WASF1: variants seen among roughly 807,000 people sequenced by gnomAD.
The protein encoded by WASF1 is WASP family member 1.
WASF1 carries 7 observed loss-of-function variants against 50.5 expected under a neutral mutation model. The observed-to-expected ratio is 0.14, with a 90% confidence interval of 0.08 to 0.26. The LOEUF is 0.26. WASF1 is among the 10% of genes least tolerant of loss of function. WASF1 has a pLI of 1.00. For missense variants in WASF1, 470 were observed against 694.7 expected, an observed-to-expected ratio of 0.68 and a Z score of 3.64; for synonymous variants, 205 against 244.0, an observed-to-expected ratio of 0.84 and a Z score of 1.49.
intron 4 of WASF1, 83 bp from the exon 5 acceptor site, chr6:110,113,543 A>G: frequency 2.4e-6 from 3 of 1,264,094 alleles, no homozygotes; most frequent in Non-Finnish European, 3.2e-6. Flanking sequence ...GAAATCTAGC[A>G]TGATATTTGC....
chr6:110,174,204 A>C lies in WASF1; in HGVS notation c.-127+4394T>G, dbSNP rs544405382. 4.2e-4 allele frequency among the ~76,000 whole-genome samples: 64 copies of C among 152,082 alleles called. No homozygotes were observed. The Middle Eastern group carries it at 0.017, about 40-fold the overall frequency. ...CTTTTCCACCTAGCTAACTTCCACT[A>C]ATCTTGCCTCTAAGAAGCCTCCCCT... On this transcript the variant is annotated intron_variant, in intron 2 of 10. Coordinates refer to ENST00000392589, the MANE Select transcript of WASF1 (RefSeq NM_003931.3).
At chr6:110,136,737 G>A (rs1446593496) in intron 3 of WASF1, among the ~76,000 whole-genome samples, 2 of 152,102 alleles carry the variant, frequency 1.3e-5, no homozygotes, top group Non-Finnish European at 2.9e-5. Context: ...ACAGTTAGCT[G>A]CTGCCTTTTG....
At chr6:110,167,965 C>T (rs1052447779) in intron 2 of WASF1, among the ~76,000 whole-genome samples, 1 of 151,918 alleles carries the variant, frequency 6.6e-6, no homozygotes, top group African/African-American at 2.4e-5. Flanking sequence ...TAATGAAAAA[C>T]GTAAATCATG....
chr6:110,163,096 G>T (rs1007853420), intron 2 of WASF1, among the ~76,000 whole-genome samples: 8 of 151,468 alleles, frequency 5.3e-5, no homozygotes, highest in Admixed American at 4.6e-4. Context: ...CAACGAATAC[G>T]TCATATCTGA....
At chr6:110,161,827 C>T (rs1776273291) in intron 2 of WASF1, among the ~76,000 whole-genome samples, 1 of 151,462 alleles carries the variant, frequency 6.6e-6, no homozygotes, top group Admixed American at 6.6e-5. Context: ...CCAGCCTTAA[C>T]CTGACCTCTA....
chr6:110,135,390 A>G (rs999023838), intron 3 of WASF1, among the ~76,000 whole-genome samples: 1 of 152,210 alleles, frequency 6.6e-6, no homozygotes, highest in Non-Finnish European at 1.5e-5. Flanking sequence ...TAGGACTAAC[A>G]AAGTTCCTAT....
intron 2 of WASF1, among the ~76,000 whole-genome samples, chr6:110,175,907 C>T (rs1776908275): frequency 6.6e-6 from 1 of 152,040 alleles, no homozygotes; most frequent in African/African-American, 2.4e-5. Flanking sequence ...TTTTAATATA[C>T]TTATGCTAAT....
intron 3 of WASF1, among the ~76,000 whole-genome samples, chr6:110,141,693 A>G (rs1775243126): frequency 6.6e-6 from 1 of 152,226 alleles, no homozygotes; most frequent in Non-Finnish European, 1.5e-5. Context: ...AATGGAAGAA[A>G]TAACAAAATC....
chr6:110,124,264 CTCTCTCTCTCTATATATATATATATATA>C (rs1774306652), intron 4 of WASF1, among the ~76,000 whole-genome samples: 3 of 62,834 alleles, frequency 4.8e-5, no homozygotes, highest in Admixed American at 1.9e-4. Flanking sequence ...CTCTCTCTCT[CTCTCTCTCTCTATATATATATATATATA>C]TATATATATA....
intron 2 of WASF1, among the ~76,000 whole-genome samples, chr6:110,164,975 T>C (rs528532499): frequency 6.6e-6 from 1 of 151,594 alleles, no homozygotes; most frequent in East Asian, 1.9e-4. Context: ...TCCAACTACA[T>C]GGCATGATAG....
intron 5 of WASF1, among the ~76,000 whole-genome samples, chr6:110,112,894 CA>C (rs1229766023): frequency 5.1e-4 from 39 of 75,912 alleles, no homozygotes; most frequent in Admixed American, 1.9e-3. Context: ...GTGTCTGTCT[CA>C]AAAAAAAAAA....
At chr6:110,105,268 G>C in intron 8 of WASF1, 139 bp downstream of exon 8, 1 of 931,754 alleles carries the variant, frequency 1.1e-6, no homozygotes, top group African/African-American at 1.7e-5. Context: ...GCTCACAGTG[G>C]TCAGGATTTT....
intron 3 of WASF1, among the ~76,000 whole-genome samples, chr6:110,151,340 C>T (rs908408360): frequency 6.6e-6 from 1 of 152,190 alleles, no homozygotes; most frequent in African/African-American, 2.4e-5. Context: ...AAAGTTTCAT[C>T]TAGTCTACTA....
chr6:110,112,743 T>C (rs1319292639), intron 5 of WASF1, among the ~76,000 whole-genome samples: 1 of 151,334 alleles, frequency 6.6e-6, no homozygotes, highest in African/African-American at 2.4e-5. Flanking sequence ...CTACTAAAAA[T>C]AAAAAAATTA....
At chr6:110,135,498 T>C (rs185148876) in intron 3 of WASF1, among the ~76,000 whole-genome samples, 24 of 152,312 alleles carry the variant, frequency 1.6e-4, no homozygotes, top group African/African-American at 5.1e-4. Context: ...GTGAATTATA[T>C]TGACTGTGGG....
chr6:110,172,025 A>C (rs572659431), intron 2 of WASF1, among the ~76,000 whole-genome samples: 1 of 152,354 alleles, frequency 6.6e-6, no homozygotes, highest in South Asian at 2.1e-4. Context: ...TTAAAAAGTC[A>C]GGAAACAACA....
intron 3 of WASF1, among the ~76,000 whole-genome samples, chr6:110,142,849 G>T (rs1775309075): frequency 6.7e-6 from 1 of 148,924 alleles, no homozygotes; most frequent in African/African-American, 2.5e-5. Flanking sequence ...TATTAAAAAG[G>T]GCTAAATTAT....
In WASF1 at chr6:110,113,664, G is replaced by GT. The variant is rs531146869; in HGVS notation, c.134-205dup. ...TTACAGTTGACCCTTGAACAAAATC[G>GT]TTTAACTGTAATAGTCCACTTACAT... On this transcript the variant is annotated intron_variant, in intron 4 of 10. Transcript: ENST00000392589. Among the ~76,000 whole-genome samples the GT allele has an allele frequency of 1.4e-4, 21 of 152,076 alleles. No individual in the cohort carries two copies. In the South Asian group the frequency reaches 3.7e-3, roughly 27 times the overall value.
chr6:110,148,108 C>T (rs1584001045), intron 3 of WASF1, among the ~76,000 whole-genome samples: 1 of 152,140 alleles, frequency 6.6e-6, no homozygotes, highest in East Asian at 1.9e-4. Flanking sequence ...ATCTAAACCA[C>T]AAATGCAGAA....
Sources: gnomAD v4.1 joint callset for allele counts (sites outside exome capture counted in the v4.1 genomes callset) on GRCh38, gnomAD v4.1.1 for gene constraint, MANE v1.5 for transcripts, NCBI Gene and HGNC (gene_info 2026-07-23, HGNC 2026-07-21) for gene names.